Variants in DNAH11 observed in about 807,000 individuals in gnomAD.
DNAH11 encodes axonemal beta dynein heavy chain 11.
In DNAH11, 442 loss-of-function variants were observed where a neutral mutation model predicts 526.0. That is an observed-to-expected ratio of 0.84 (90% CI 0.78 to 0.91). DNAH11 has a LOEUF of 0.91. DNAH11 is among the 40% of genes least tolerant of loss of function. DNAH11 has a pLI of 0.00. For missense variants in DNAH11, 6,989 were observed against 5,448.7 expected (o/e 1.28, Z -8.90); for synonymous variants, 2,461 against 1,935.9 (o/e 1.27, Z -7.12).
At position 21,779,120 on chromosome 7, in the gene DNAH11, A is replaced by G; in HGVS notation, c.9483+16A>G. 6.2e-7 allele frequency: 1 copy of G among 1,606,916 alleles called. No homozygotes were observed. Among genetic ancestry groups the G allele is most frequent in the Non-Finnish European group, 8.5e-7 (1 of 1,174,550 alleles). Reference sequence around the variant, plus strand: ...GGAGCGAAAGGTCAGGCTAATTCCAACATTTAGAGTGCGGAGCTATATTTA... The same window carrying G: ...GGAGCGAAAGGTCAGGCTAATTCCAGCATTTAGAGTGCGGAGCTATATTTA... On this transcript the variant is annotated intron_variant, in intron 57 of 81. Coordinates refer to ENST00000409508, the MANE Select transcript of DNAH11 (RefSeq NM_001277115.2).
intron 74 of DNAH11, among the ~76,000 whole-genome samples, chr7:21,878,673 G>C (rs1783804110): frequency 6.6e-6 from 1 of 152,064 alleles, no homozygotes; most frequent in Admixed American, 6.5e-5. Context: ...CATGCTTCCT[G>C]GCCAATTCTA....
Position 21,838,287 on chromosome 7 carries a change from CTG to C in DNAH11, c.10692-4255_10692-4254del, listed in dbSNP as rs1367957274. On this transcript the variant is annotated intron_variant, in intron 65 of 81. Transcript: ENST00000409508. ...AAGACAAGCGTGAACCTCTGAGAAA[CTG>C]TATTAGCATGGTAACTTACAGACTG... Among the ~76,000 whole-genome samples the C allele has an allele frequency of 4.6e-5, 7 of 152,326 alleles. 2 individuals are homozygous for C. Among genetic ancestry groups the C allele is most frequent in the African/African-American group, 1.4e-4 (6 of 41,582 alleles).
intron 39 of DNAH11, among the ~76,000 whole-genome samples, chr7:21,706,532 C>G (rs967727272): frequency 3.3e-5 from 5 of 151,878 alleles, no homozygotes; most frequent in Admixed American, 2.6e-4. Context: ...ACTGATAGAC[C>G]TGTAATTATT....
At chr7:21,732,778 C>T (rs1278106861) in intron 45 of DNAH11, among the ~76,000 whole-genome samples, 1 of 152,214 alleles carries the variant, frequency 6.6e-6, no homozygotes, top group Non-Finnish European at 1.5e-5. Flanking sequence ...AGACAGCCAT[C>T]CCTTTGGTCT....
At chr7:21,803,726 G>GCT (rs1789110100) in intron 62 of DNAH11, among the ~76,000 whole-genome samples, 2 of 150,242 alleles carry the variant, frequency 1.3e-5, no homozygotes, top group Admixed American at 6.6e-5. Context: ...CATCATTGAA[G>GCT]TCTGGAAAAG....
At chr7:21,654,178 C>G (rs1253624815) in intron 28 of DNAH11, among the ~76,000 whole-genome samples, 1 of 152,070 alleles carries the variant, frequency 6.6e-6, no homozygotes, top group Non-Finnish European at 1.5e-5. Context: ...TTATCTAATT[C>G]CAAACCATTT....
At chr7:21,605,350 A>G (rs1785240919) in intron 18 of DNAH11, among the ~76,000 whole-genome samples, 1 of 152,196 alleles carries the variant, frequency 6.6e-6, no homozygotes, top group Admixed American at 6.5e-5. Flanking sequence ...GACCGAGAGG[A>G]ACAATTCTTT....
intron 14 of DNAH11, among the ~76,000 whole-genome samples, chr7:21,592,753 A>C (rs943849740): frequency 6.6e-6 from 1 of 152,202 alleles, no homozygotes; most frequent in Non-Finnish European, 1.5e-5. Flanking sequence ...AGCCAGCAGA[A>C]TTTGCTTTGA....
At chr7:21,855,291 A>G (rs978207574) in intron 68 of DNAH11, among the ~76,000 whole-genome samples, 1 of 152,130 alleles carries the variant, frequency 6.6e-6, no homozygotes, top group Non-Finnish European at 1.5e-5. Flanking sequence ...TCAGCCTCCC[A>G]AAGTGTTGGG....
intron 20 of DNAH11, among the ~76,000 whole-genome samples, chr7:21,611,342 T>C (rs1319168525): frequency 6.6e-6 from 1 of 152,176 alleles, no homozygotes; most frequent in Non-Finnish European, 1.5e-5. Flanking sequence ...TCAGCTTTCC[T>C]GGTTCTGAGG....
Position 21,901,131 on chromosome 7 carries a change from CGAGTGCCCTGTGTATA to C in DNAH11, c.13431_13446del (p.Cys4478ProfsTer3). 6.2e-7 allele frequency: 1 copy of C among 1,613,342 alleles called. No homozygotes were observed. The highest frequency in any genetic ancestry group is 8.5e-7 in the Non-Finnish European group (1 of 1,179,420). Reference sequence around the variant, plus strand: ...ACAGACAAGAAACCAAACAGACCTACGAGTGCCCTGTGTATAGAACCAAACTGAGAGGCCCCAGCTA... The same window carrying C: ...ACAGACAAGAAACCAAACAGACCTACGAACCAAACTGAGAGGCCCCAGCTA... On this transcript the variant is annotated frameshift_variant, in exon 82 of 82. Coordinates refer to ENST00000409508, the MANE Select transcript of DNAH11 (RefSeq NM_001277115.2). LOFTEE classifies it high-confidence loss of function.
chr7:21,589,231 C>T lies in DNAH11; in HGVS notation c.1997C>T (p.Ala666Val). 3 of 1,608,426 alleles carry T rather than the reference C, an allele frequency of 1.9e-6. No individual in the cohort carries two copies. The highest frequency in any genetic ancestry group is 2.5e-6 in the Non-Finnish European group (3 of 1,178,378). The change falls in exon 12 of 82, where the codon GCT becomes GTT. Residue 666 changes from alanine (A) to valine (V), a missense_variant. Physicochemically the swap from Ala to Val is moderately conservative, Grantham distance 64. Coordinates refer to ENST00000409508, the MANE Select transcript of DNAH11 (RefSeq NM_001277115.2). ...AGATTTTTGGGCAATCCTGATCACG[C>T]TTTAGTTTATCAAAAGTATGTTGAA... ...RYLFLGNPDH[A>V]LVYQKYVEMT...
At chr7:21,612,338 A>G (rs1000992232) in intron 20 of DNAH11, among the ~76,000 whole-genome samples, 3 of 151,866 alleles carry the variant, frequency 2.0e-5, no homozygotes, top group Admixed American at 6.6e-5. Flanking sequence ...GGCAGATCAC[A>G]AGGTCAGGAG....
chr7:21,634,915 T>A (rs1786784775), intron 25 of DNAH11, among the ~76,000 whole-genome samples: 1 of 152,224 alleles, frequency 6.6e-6, no homozygotes, highest in Admixed American at 6.5e-5. Context: ...TCAGACATAC[T>A]AACCATATTT....
intron 5 of DNAH11, among the ~76,000 whole-genome samples, chr7:21,563,628 AACCTC>A (rs1194327145): frequency 6.6e-6 from 1 of 152,350 alleles, no homozygotes; most frequent in African/African-American, 2.4e-5. Context: ...GATGTTGTAC[AACCTC>A]ACCTCTGTCG....
intron 25 of DNAH11, among the ~76,000 whole-genome samples, chr7:21,634,562 T>C (rs1786768183): frequency 6.6e-6 from 1 of 152,080 alleles, no homozygotes; most frequent in Non-Finnish European, 1.5e-5. Flanking sequence ...TAGTGAGAAA[T>C]ACTAGCTAGG....
At position 21,750,204 on chromosome 7, in the gene DNAH11, A is replaced by G. The variant is rs756528530; in HGVS notation, c.8798-18A>G. The G allele has an allele frequency of 1.0e-5, 16 of 1,570,480 alleles. No individual in the cohort carries two copies. In the East Asian group the frequency reaches 3.2e-4, roughly 31 times the overall value. ...ATTGCAATGATCTTTTAGTAATTCT[A>G]CTCATTCTTTGGGGCAGGAGAAATC... is the stretch of plus-strand genomic sequence containing the variant. On this transcript the variant is annotated intron_variant, in intron 53 of 81. Coordinates refer to ENST00000409508, the MANE Select transcript of DNAH11 (RefSeq NM_001277115.2).
At chr7:21,724,061 C>T (rs1433908333) in intron 44 of DNAH11, among the ~76,000 whole-genome samples, 1 of 152,056 alleles carries the variant, frequency 6.6e-6, no homozygotes, top group Admixed American at 6.6e-5. Context: ...AGAACAGATG[C>T]GTTTTAGTTG....
chr7:21,827,913 C>T (rs901183978), intron 65 of DNAH11, among the ~76,000 whole-genome samples: 22 of 151,608 alleles, frequency 1.5e-4, no homozygotes, highest in Non-Finnish European at 2.6e-4. Context: ...GTAGAATGTA[C>T]TTTCTTGAGC....
Sources: allele counts gnomAD v4.1 joint callset (sites outside exome capture counted in the v4.1 genomes callset), GRCh38; gene constraint gnomAD v4.1.1; transcripts MANE v1.5; gene names NCBI Gene and HGNC (gene_info 2026-07-23, HGNC 2026-07-21).